The following DRC3 variants were observed in gnomAD, a reference collection of about 807,000 sequenced individuals.
DRC3 encodes the protein leucine rich repeat containing 48.
In DRC3, 45 loss-of-function variants were observed where a neutral mutation model predicts 57.6. The ratio of observed to expected loss-of-function variants is 0.78; its 90% confidence interval spans 0.62 to 1.00. The LOEUF (loss-of-function observed/expected upper bound fraction) is 1.00. Ranked by LOEUF, DRC3 falls within the 50% of genes least tolerant of loss-of-function variation. The pLI, the probability that DRC3 is intolerant of heterozygous loss-of-function variation, is 0.00. For missense variants in DRC3, 655 were observed against 675.2 expected (o/e 0.97, Z 0.33); for synonymous variants, 257 against 272.3 (o/e 0.94, Z 0.55).
chr17:18,016,285 TAAGG>T, intron 13 of DRC3, 90 bp downstream of exon 13: 1 of 1,358,188 alleles, frequency 7.4e-7, no homozygotes, highest in Non-Finnish European at 1.0e-6. Context: ...GAATTTTCAT[TAAGG>T]AATGAAATGA....
Position 17,977,670 on chromosome 17 carries a change from C to G in DRC3, c.72C>G (p.Asp24Glu), listed in dbSNP as rs747875674. 8.1e-6 allele frequency: 13 copies of G among 1,613,858 alleles called. No individual in the cohort carries two copies. In the South Asian group the frequency reaches 1.1e-4, roughly 14 times the overall value. Residue 24 changes from aspartate (D) to glutamate (E), a missense_variant, in exon 3 of 14, where the codon GAC becomes GAG. Coordinates refer to ENST00000399187, the MANE Select transcript of DRC3 (RefSeq NM_031294.4). ...DDDMLKLAVG[D>E]QGPQEEAGQL... Reference sequence around the variant, plus strand: ...ACATGCTCAAGCTGGCCGTCGGGGACCAGGGCCCCCAGGAGGAGGCCGGGC... The same window carrying G: ...ACATGCTCAAGCTGGCCGTCGGGGAGCAGGGCCCCCAGGAGGAGGCCGGGC...
At chr17:17,979,735 G>A (rs1019685071) in intron 3 of DRC3, among the ~76,000 whole-genome samples, 3 of 152,214 alleles carry the variant, frequency 2.0e-5, no homozygotes, top group African/African-American at 7.2e-5. Context: ...ATCAGGGCCA[G>A]AAAAGGCACC....
intron 12 of DRC3, chr17:18,010,924 T>C: frequency 3.7e-6 from 1 of 269,194 alleles, no homozygotes; most frequent in Non-Finnish European, 7.4e-6. Context: ...CCTGGGGGCC[T>C]CTCTCAAGGA....
chr17:17,975,270 T>C (rs999462243), intron 2 of DRC3, among the ~76,000 whole-genome samples: 4 of 150,494 alleles, frequency 2.7e-5, no homozygotes, highest in Non-Finnish European at 5.9e-5. Flanking sequence ...AGTGCAGTGG[T>C]GCACGATCTC....
intron 12 of DRC3, chr17:18,010,939 G>GTTTT (rs61680283): frequency 3.0e-5 from 7 of 235,630 alleles, no homozygotes; most frequent in Admixed American, 1.1e-4. Flanking sequence ...CAAGGATGAG[G>GTTTT]TTTTTTTTTT....
intron 12 of DRC3, among the ~76,000 whole-genome samples, chr17:18,009,302 G>A (rs377575101): frequency 9.2e-5 from 14 of 152,284 alleles, no homozygotes; most frequent in African/African-American, 3.1e-4. Context: ...CCAGCTACTT[G>A]GGAGACTGAG....
rs1037385833 is a variant in DRC3 at position 18,007,707 on chromosome 17, T to C, written c.1326+560T>C. On this transcript the variant is annotated intron_variant, in intron 12 of 13. Transcript: ENST00000399187. Reference sequence around the variant, plus strand: ...GTCTGCGCTGGGTCCCGCGGCAGCATGTCTATGTCTCTGGAAGGAGTGTGG... The same window carrying C: ...GTCTGCGCTGGGTCCCGCGGCAGCACGTCTATGTCTCTGGAAGGAGTGTGG... 38 of 1,266,438 alleles carry C rather than the reference T, an allele frequency of 3.0e-5. 1 individual carries two copies. The highest frequency in any genetic ancestry group is 3.8e-5 in the Non-Finnish European group (38 of 999,066). 78.5% of individuals were successfully genotyped at this position (1,266,438 alleles called of 1,614,324 possible).
intron 9 of DRC3, among the ~76,000 whole-genome samples, chr17:18,001,050 A>C (rs997109582): frequency 1.3e-5 from 2 of 151,040 alleles, no homozygotes; most frequent in Non-Finnish European, 3.0e-5. Flanking sequence ...CAGGAACACA[A>C]CACCACACCT....
chr17:17,997,352 A>G (rs2145360232), intron 8 of DRC3, 108 bp from the exon 9 acceptor site: 4 of 986,748 alleles, frequency 4.1e-6, no homozygotes, highest in Non-Finnish European at 5.9e-6. Flanking sequence ...AGTCTCACAC[A>G]CTGTTGAGCG....
chr17:17,990,709 T>C (rs2043187683), intron 5 of DRC3, among the ~76,000 whole-genome samples: 1 of 152,212 alleles, frequency 6.6e-6, no homozygotes, highest in South Asian at 2.1e-4. Flanking sequence ...TTAAAACATT[T>C]GGCCGGGCCC....
At chr17:18,015,967 G>A (rs2044345751) in intron 12 of DRC3, 97 bp from the exon 13 acceptor site, 1 of 1,375,972 alleles carries the variant, frequency 7.3e-7, no homozygotes, top group East Asian at 2.3e-5. Flanking sequence ...GGCCTGCACA[G>A]CCAGGGGACT....
At chr17:18,003,809 ATTT>A (rs200063548) in intron 9 of DRC3, among the ~76,000 whole-genome samples, 1 of 139,014 alleles carries the variant, frequency 7.2e-6, no homozygotes. Flanking sequence ...TGCCTGGCTA[ATTT>A]TTTTTTTTTT....
chr17:17,976,854 G>A (rs1240068909), intron 2 of DRC3, among the ~76,000 whole-genome samples: 2 of 152,068 alleles, frequency 1.3e-5, no homozygotes, highest in South Asian at 2.1e-4. Context: ...TTTGTCTTTT[G>A]TTTTCTGATT....
intron 9 of DRC3, among the ~76,000 whole-genome samples, chr17:18,001,892 C>T (rs757325085): frequency 1.1e-4 from 16 of 151,932 alleles, no homozygotes; most frequent in Non-Finnish European, 1.5e-4. Flanking sequence ...TTTGGCCGGA[C>T]GCAGTGGCTT....
chr17:17,974,910 C>G (rs1481726703), intron 2 of DRC3, among the ~76,000 whole-genome samples: 1 of 152,322 alleles, frequency 6.6e-6, no homozygotes, highest in East Asian at 1.9e-4. Flanking sequence ...GGACTAAATA[C>G]GTGATCTCAC....
chr17:17,979,801 C>G (rs900211409), intron 3 of DRC3, among the ~76,000 whole-genome samples: 6 of 152,180 alleles, frequency 3.9e-5, no homozygotes, highest in Non-Finnish European at 8.8e-5. Flanking sequence ...AGAACTGGCC[C>G]CACCCTGGAA....
intron 12 of DRC3, among the ~76,000 whole-genome samples, chr17:18,010,047 G>A (rs900449086): frequency 1.3e-5 from 2 of 152,164 alleles, no homozygotes; most frequent in African/African-American, 4.8e-5. Context: ...GCGGGTATCC[G>A]GCTGCGAGGG....
chr17:17,990,927 G>T (rs1259198028), intron 5 of DRC3, among the ~76,000 whole-genome samples: 2 of 152,172 alleles, frequency 1.3e-5, no homozygotes, highest in African/African-American at 4.8e-5. Flanking sequence ...GGAGGTGGAG[G>T]TTGCAGTGAG....
At chr17:18,010,276 G>A (rs2044122631) in intron 12 of DRC3, among the ~76,000 whole-genome samples, 3 of 152,196 alleles carry the variant, frequency 2.0e-5, no homozygotes, top group Admixed American at 6.5e-5. Flanking sequence ...CCCTTTGTGG[G>A]TATGATGGAA....
Sources: gnomAD v4.1 joint callset for allele counts (sites outside exome capture counted in the v4.1 genomes callset) on GRCh38, gnomAD v4.1.1 for gene constraint, MANE v1.5 for transcripts, NCBI Gene and HGNC (gene_info 2026-07-23, HGNC 2026-07-21) for gene names.